Variants in HCCS observed in about 807,000 individuals in gnomAD.
HCCS encodes the protein holocytochrome c synthase.
HCCS carries 2 observed loss-of-function variants against 24.2 expected under a neutral mutation model. The observed-to-expected ratio is 0.08, with a 90% CI of 0.03 to 0.26. HCCS has a LOEUF of 0.26. Ranked by LOEUF, HCCS falls within the 10% of genes least tolerant of loss-of-function variation. The pLI is 1.00. For synonymous variants in HCCS, 73 were observed against 76.2 expected (o/e 0.96, Z 0.22); for missense variants, 150 against 213.3 (o/e 0.70, Z 1.85).
At chrX:11,118,953 ACTC>A (rs1241416545) in intron 5 of HCCS, among the ~76,000 whole-genome samples, 2 of 110,258 alleles carry the variant, frequency 1.8e-5, no homozygotes, top group Non-Finnish European at 3.8e-5. Flanking sequence ...CTGCTGGTTT[ACTC>A]CTCTGGCGAG....
At chrX:11,114,765 A>T in intron 2 of HCCS, 70 bp from the exon 3 acceptor site, 1 of 971,846 alleles carries the variant, frequency 1.0e-6, no homozygotes, top group Non-Finnish European at 1.5e-6. Context: ...TCAGCTCTTT[A>T]GTGCTCCAAT....
At chrX:11,112,373 C>T (rs1190145652) in intron 2 of HCCS, among the ~76,000 whole-genome samples, 1 of 111,229 alleles carries the variant, frequency 9.0e-6, no homozygotes, top group Non-Finnish European at 1.9e-5. Flanking sequence ...GTAGTACCAG[C>T]GACTTTGGAG....
intron 5 of HCCS, among the ~76,000 whole-genome samples, 168 bp from the exon 6 acceptor site, chrX:11,120,739 A>G (rs1230551935): frequency 8.9e-6 from 1 of 112,044 alleles, no homozygotes; most frequent in Non-Finnish European, 1.9e-5. Context: ...TTTTTAACAA[A>G]TAGGCACTTG....
In HCCS at chrX:11,117,344, G is replaced by A. The variant is rs777990499; in HGVS notation, c.330G>A (p.Pro110=). The A allele has an allele frequency of 8.8e-5, 106 of 1,206,649 alleles. No individual in the cohort carries two copies. The highest frequency in any genetic ancestry group is 1.1e-4 in the Non-Finnish European group (102 of 891,987). Residue 110 remains proline (P), a synonymous_variant, in exon 4 of 7, where the codon CCG becomes CCA. Coordinates refer to ENST00000380762, the MANE Select transcript of HCCS (RefSeq NM_005333.5). The stretch of plus-strand genomic sequence containing the variant: ...CTGTCAGAGAAGAGTCATCCATTCC[G>A]AGAGCAGATTCAGAGAAAAAGTGGG... ...LSTVREESSI[P]RADSEKKWVY...
intron 2 of HCCS, among the ~76,000 whole-genome samples, chrX:11,112,814 A>G (rs1202848993): frequency 2.7e-5 from 3 of 112,737 alleles, no homozygotes; most frequent in Middle Eastern, 9.3e-3. Context: ...GACATTTGCC[A>G]ATATCTGGAG....
At chrX:11,120,875 T>G (rs1460316450) in intron 5 of HCCS, 32 bp from the exon 6 acceptor site, 1 of 1,106,623 alleles carries the variant, frequency 9.0e-7, no homozygotes, top group African/African-American at 1.8e-5. Context: ...AGAAAATATT[T>G]TAACAGACTT....
chrX:11,118,691 C>T lies in HCCS; in HGVS notation c.521+71C>T, dbSNP rs2045467919. 5.7e-6 allele frequency: 6 copies of T among 1,048,612 alleles called. No homozygotes were observed. The South Asian group carries it at 7.5e-5, about 13-fold the overall frequency. 86.4% of individuals were successfully genotyped at this position (1,048,612 alleles called of 1,213,427 possible). ...TCATATCAGCTTTCTAGAGTTTTAA[C>T]ATTCAAATCATTTGTTCTAATAAAA... is the stretch of plus-strand genomic sequence containing the variant. On this transcript the variant is annotated intron_variant, in intron 5 of 6. Transcript: ENST00000380762.
chrX:11,118,320 C>T (rs2147252313), intron 4 of HCCS, 181 bp from the exon 5 acceptor site: 1 of 497,256 alleles, frequency 2.0e-6, no homozygotes, highest in East Asian at 3.9e-5. Flanking sequence ...TATAGTGCTG[C>T]TCCATGATCA....
At chrX:11,120,252 G>A (rs951110660) in intron 5 of HCCS, among the ~76,000 whole-genome samples, 11 of 111,268 alleles carry the variant, frequency 9.9e-5, no homozygotes, top group South Asian at 3.8e-4. Flanking sequence ...TGAACTCCAC[G>A]AGGACAGTGC....
At chrX:11,112,655 T>C (rs757241044) in intron 2 of HCCS, among the ~76,000 whole-genome samples, 4 of 112,643 alleles carry the variant, frequency 3.6e-5, no homozygotes, top group African/African-American at 1.3e-4. Context: ...GATGAAGATA[T>C]AATAATGTTT....
rs143209351 is a variant in HCCS at position 11,115,280 on chromosome X, G to A, written c.252+294G>A. The stretch of plus-strand genomic sequence containing the variant: ...TACTAGGTGGTAGATGGGAAATTCT[G>A]TAAGAACCATAGCTAGAGTTAGTTA... On this transcript the variant is annotated intron_variant, in intron 3 of 6. Coordinates refer to ENST00000380762, the MANE Select transcript of HCCS (RefSeq NM_005333.5). Among the ~76,000 whole-genome samples, 288 of 112,078 alleles carry A rather than the reference G, an allele frequency of 2.6e-3. 2 individuals are homozygous for A. The highest frequency in any genetic ancestry group is 9.0e-3 in the African/African-American group (276 of 30,813).
At chrX:11,121,063 C>T (rs2045488138) in intron 6 of HCCS, 70 bp downstream of exon 6, 1 of 847,113 alleles carries the variant, frequency 1.2e-6, no homozygotes, top group Non-Finnish European at 1.8e-6. Context: ...CACACCAAAA[C>T]CAGTCTAAGA....
rs1413276234 is a variant in HCCS, at chrX:11,114,933, C to A, written c.199C>A (p.Pro67Thr). 3 of 1,205,768 alleles carry A rather than the reference C, an allele frequency of 2.5e-6. No homozygotes were observed. The highest frequency in any genetic ancestry group is 2.3e-4 in the Middle Eastern group (1 of 4,306). Reference sequence around the variant, plus strand: ...ACGCGCCTATGAGTACGTGGAGTGTCCCATTAGGGGCACTGCGGCTGAGAA... The same window carrying A: ...ACGCGCCTATGAGTACGTGGAGTGTACCATTAGGGGCACTGCGGCTGAGAA... ...QERAYEYVEC[P>T]IRGTAAENKE... The change falls in exon 3 of 7, where the codon CCC (proline) becomes ACC (threonine). Residue 67 changes from proline to threonine, a missense_variant. This residue lies in a region of HCCS where 95 missense variants were observed against 79.1 expected (regional missense o/e 1.20). Transcript: ENST00000380762.
intron 3 of HCCS, 58 bp from the exon 4 acceptor site, chrX:11,117,209 T>G (rs1197060950): frequency 7.8e-6 from 8 of 1,021,685 alleles, no homozygotes; most frequent in Non-Finnish European, 1.1e-5. Context: ...AGGAAGTAGT[T>G]AATTATATTG....
intron 5 of HCCS, chrX:11,119,857 C>T (rs752745780): frequency 1.5e-4 from 38 of 248,838 alleles, no homozygotes; most frequent in Non-Finnish European, 2.3e-4. Context: ...TGGAGCAAAG[C>T]GAAGAGAGAA....
intron 2 of HCCS, among the ~76,000 whole-genome samples, chrX:11,114,552 T>C (rs767769757): frequency 5.5e-4 from 62 of 112,682 alleles, no homozygotes; most frequent in African/African-American, 2.0e-3. Context: ...CACATGCTCT[T>C]GCAACTGCCA....
In HCCS at chrX:11,121,864, A is replaced by C. The variant is rs906220079; in HGVS notation, c.*54A>C. On this transcript the variant is annotated 3_prime_UTR_variant, in exon 7 of 7. Coordinates refer to ENST00000380762, the MANE Select transcript of HCCS (RefSeq NM_005333.5). ...CTATTTTTTTCTGAGCGATACATTA[A>C]ACTATTTTCCCCAGATTGAATTGCA... 21 of 1,000,767 alleles carry C rather than the reference A, an allele frequency of 2.1e-5. No individual in the cohort carries two copies. Among genetic ancestry groups the C allele is most frequent in the Non-Finnish European group, 2.9e-5 (21 of 713,328 alleles). 82.5% of individuals were successfully genotyped at this position (1,000,767 alleles called of 1,213,427 possible).
In HCCS at chrX:11,121,005, C is replaced by T. The variant is rs1441523638; in HGVS notation, c.608+12C>T. The T allele has an allele frequency of 4.3e-6, 5 of 1,169,069 alleles. No individual in the cohort carries two copies. The highest frequency in any genetic ancestry group is 5.8e-6 in the Non-Finnish European group (5 of 856,470). ...CGTTCCTGGATGGGGTGAGTGTCAGCGCAGAAGTGTTGTTTCACCATCCTC... is the reference window on the plus strand; with the variant it reads ...CGTTCCTGGATGGGGTGAGTGTCAGTGCAGAAGTGTTGTTTCACCATCCTC... On this transcript the variant is annotated intron_variant, in intron 6 of 6. Coordinates refer to ENST00000380762, the MANE Select transcript of HCCS (RefSeq NM_005333.5).
At chrX:11,115,883 C>T (rs2045444311) in intron 3 of HCCS, among the ~76,000 whole-genome samples, 1 of 111,841 alleles carries the variant, frequency 8.9e-6, no homozygotes, top group Non-Finnish European at 1.9e-5. Context: ...CTGCTGCTTT[C>T]TCTGTAGCAT....
Sources: gnomAD v4.1 joint callset for allele counts (sites outside exome capture counted in the v4.1 genomes callset) on GRCh38, gnomAD v4.1.1 for gene constraint, gnomAD v4.1.1 regional missense constraint, MANE v1.5 for transcripts, NCBI Gene and HGNC (gene_info 2026-07-23, HGNC 2026-07-21) for gene names.